Variants in KCNMA1 observed in about 807,000 individuals in gnomAD.
KCNMA1 encodes the protein Calcium-activated potassium channel subunit alpha-1.
A neutral mutation model predicts 140.0 loss-of-function variants in KCNMA1; 29 were observed. The ratio of observed to expected loss-of-function variants is 0.21; its 90% CI spans 0.15 to 0.28. KCNMA1 has a LOEUF of 0.28. KCNMA1 is among the 10% of genes least tolerant of loss of function. The pLI, the probability that KCNMA1 is intolerant of heterozygous loss-of-function variation, is 1.00. For missense variants in KCNMA1, 880 were observed against 1,602.2 expected (o/e 0.55, Z 7.70); for synonymous variants, 612 against 611.9 (o/e 1.00, Z 0.00).
chr10:77,392,892 G>A (rs1036492239), intron 2 of KCNMA1, among the ~76,000 whole-genome samples: 3 of 152,204 alleles, frequency 2.0e-5, no homozygotes, highest in Non-Finnish European at 2.9e-5. Flanking sequence ...AAGTGGATAC[G>A]GAGACCACAG....
chr10:77,316,082 T>C (rs2080802778), intron 2 of KCNMA1, among the ~76,000 whole-genome samples: 1 of 152,224 alleles, frequency 6.6e-6, no homozygotes, highest in Admixed American at 6.5e-5. Context: ...GAGCATTTAG[T>C]GTCTTGAATA....
At chr10:77,042,824 G>A (rs915615485) in intron 14 of KCNMA1, among the ~76,000 whole-genome samples, 2 of 152,090 alleles carry the variant, frequency 1.3e-5, no homozygotes, top group African/African-American at 4.8e-5. Context: ...TGTTTGTTTT[G>A]AATTTAGCAA....
chr10:76,997,038 A>G (rs1233186389), intron 19 of KCNMA1, among the ~76,000 whole-genome samples: 1 of 152,142 alleles, frequency 6.6e-6, no homozygotes, highest in East Asian at 1.9e-4. Context: ...ATCTGATTTT[A>G]TGTACTTCAA....
At chr10:77,297,810 T>C (rs546338823) in intron 2 of KCNMA1, among the ~76,000 whole-genome samples, 1 of 152,120 alleles carries the variant, frequency 6.6e-6, no homozygotes, top group Admixed American at 6.5e-5. Flanking sequence ...ATGACAGGAG[T>C]GGAGAAGGGA....
chr10:77,415,679 A>G (rs1235060994), intron 1 of KCNMA1, among the ~76,000 whole-genome samples: 1 of 152,236 alleles, frequency 6.6e-6, no homozygotes, highest in Non-Finnish European at 1.5e-5. Flanking sequence ...CCTGTAGACC[A>G]GGAGGAGGAT....
chr10:77,196,111 C>A (rs1200967366), intron 3 of KCNMA1, among the ~76,000 whole-genome samples: 1 of 152,046 alleles, frequency 6.6e-6, no homozygotes, highest in African/African-American at 2.4e-5. Flanking sequence ...ATTTTATTGT[C>A]CTATCTTTGA....
intron 19 of KCNMA1, among the ~76,000 whole-genome samples, chr10:77,000,090 G>C (rs2085719685): frequency 6.6e-6 from 1 of 152,160 alleles, no homozygotes; most frequent in Non-Finnish European, 1.5e-5. Flanking sequence ...TAAGAGCTCA[G>C]TGATCTTCTT....
chr10:77,406,471 G>A (rs1023301283), intron 1 of KCNMA1, among the ~76,000 whole-genome samples: 1 of 152,200 alleles, frequency 6.6e-6, no homozygotes, highest in Non-Finnish European at 1.5e-5. Flanking sequence ...ATCACAATGA[G>A]CGGGCATCAT....
At chr10:77,124,957 A>G (rs994353418) in intron 5 of KCNMA1, among the ~76,000 whole-genome samples, 1 of 152,172 alleles carries the variant, frequency 6.6e-6, no homozygotes, top group African/African-American at 2.4e-5. Flanking sequence ...AAGCAAACAC[A>G]TCCTACTTCA....
intron 1 of KCNMA1, among the ~76,000 whole-genome samples, chr10:77,428,083 T>C (rs186157549): frequency 8.8e-4 from 134 of 152,274 alleles, no homozygotes; most frequent in African/African-American, 3.2e-3. Context: ...ATGTGTTTTA[T>C]AATCCCTTCT....
chr10:77,549,261 T>C (rs2062166281), intron 1 of KCNMA1, among the ~76,000 whole-genome samples: 1 of 152,198 alleles, frequency 6.6e-6, no homozygotes, highest in Non-Finnish European at 1.5e-5. Context: ...ATATCTCCCA[T>C]ACTGGCTGGA....
At chr10:77,584,435 ACC>A (rs1463472098) in intron 1 of KCNMA1, among the ~76,000 whole-genome samples, 1 of 152,108 alleles carries the variant, frequency 6.6e-6, no homozygotes, top group Non-Finnish European at 1.5e-5. Flanking sequence ...GCTCACTGCA[ACC>A]CCTGCCTCCC....
intron 2 of KCNMA1, among the ~76,000 whole-genome samples, chr10:77,367,596 G>A (rs1018388036): frequency 6.6e-6 from 1 of 151,992 alleles, no homozygotes; most frequent in African/African-American, 2.4e-5. Context: ...TTTATTTTTG[G>A]TGTAAAGTTC....
In KCNMA1 at chr10:77,012,032, TA is replaced by T. The variant is rs762705295; in HGVS notation, c.2026del (p.Tyr676ThrfsTer15). ...GATGTCATCATGACAGGCCTTGCAG[TA>T]AAAAAATGCCCTGGAGAAAGAGAAT... ...DAKEVKRAFF[Y>X]CKACHDDITD... On this transcript the variant is annotated frameshift_variant, in exon 18 of 28. Coordinates refer to ENST00000286628, the MANE Select transcript of KCNMA1 (RefSeq NM_001161352.2). LOFTEE classifies it high-confidence loss of function. 6.2e-7 allele frequency: 1 copy of T among 1,613,740 alleles called. No individual in the cohort carries two copies.
At chr10:77,332,670 G>T (rs544033939) in intron 2 of KCNMA1, among the ~76,000 whole-genome samples, 1 of 152,200 alleles carries the variant, frequency 6.6e-6, no homozygotes, top group South Asian at 2.1e-4. Flanking sequence ...GGAGGGTTTT[G>T]CAGTGGTAGG....
At chr10:77,540,465 T>C (rs1047402472) in intron 1 of KCNMA1, among the ~76,000 whole-genome samples, 2 of 152,250 alleles carry the variant, frequency 1.3e-5, no homozygotes, top group Non-Finnish European at 2.9e-5. Context: ...ACAATGTTCA[T>C]CTTCTTGATA....
At chr10:77,228,244 C>A (rs745870896) in intron 3 of KCNMA1, among the ~76,000 whole-genome samples, 21 of 152,280 alleles carry the variant, frequency 1.4e-4, no homozygotes, top group Admixed American at 9.8e-4. Flanking sequence ...GGATTACAGG[C>A]GTGAGCCACC....
chr10:77,349,302 C>T (rs897808908), intron 2 of KCNMA1, among the ~76,000 whole-genome samples: 10 of 152,280 alleles, frequency 6.6e-5, no homozygotes, highest in East Asian at 1.9e-4. Flanking sequence ...AACCAGACAG[C>T]GGGCCCTCAC....
At chr10:77,120,052 A>C (rs186097037) in intron 6 of KCNMA1, among the ~76,000 whole-genome samples, 1 of 152,324 alleles carries the variant, frequency 6.6e-6, no homozygotes, top group East Asian at 1.9e-4. Context: ...AAAACTACAG[A>C]TATATTAATT....
Sources: gnomAD v4.1 joint callset for allele counts (sites outside exome capture counted in the v4.1 genomes callset) on GRCh38, gnomAD v4.1.1 for gene constraint, MANE v1.5 for transcripts, NCBI Gene and HGNC (gene_info 2026-07-23, HGNC 2026-07-21) for gene names.